Variants in EML5 observed in about 807,000 individuals in gnomAD.
The protein encoded by EML5 is EMAP like 5, also known as echinoderm microtubule-associated protein-like 5.
EML5 carries 120 observed loss-of-function variants against 250.0 expected under a neutral mutation model. The ratio of observed to expected loss-of-function variants is 0.48; its 90% CI spans 0.41 to 0.56. EML5 has a LOEUF of 0.56. EML5 is among the 20% of genes least tolerant of loss of function. EML5 has a pLI of 0.00. For missense variants in EML5, 2,006 were observed against 2,437.6 expected, an observed-to-expected ratio of 0.82 and a Z score of 3.73; for synonymous variants, 771 against 806.5, an observed-to-expected ratio of 0.96 and a Z score of 0.75.
chr14:88,672,759 C>T (rs970497349), intron 21 of EML5, among the ~76,000 whole-genome samples: 1 of 152,124 alleles, frequency 6.6e-6, no homozygotes, highest in Non-Finnish European at 1.5e-5. Context: ...ACTATAAACA[C>T]CTCTATGCAA....
Position 88,792,846 on chromosome 14 carries a change from G to C in EML5, c.-343C>G. 1 of 624,978 alleles carries C rather than the reference G, an allele frequency of 1.6e-6. No homozygotes were observed. The highest frequency in any genetic ancestry group is 2.0e-6 in the Non-Finnish European group (1 of 499,402). 38.7% of individuals were successfully genotyped at this position (624,978 alleles called of 1,614,324 possible). ...GCCTCCAGCTCCTCAGCCGCCGCCC[G>C]CGCACGCAGCTCCCAGCCCCGGTCA... On this transcript the variant is annotated 5_prime_UTR_variant, in exon 1 of 44. Coordinates refer to ENST00000554922, the MANE Select transcript of EML5 (RefSeq NM_183387.3). This position sits in a 1 kb window ranked among gnomAD's most constrained non-coding sequence, Gnocchi z 6.9.
chr14:88,657,396 T>C lies in EML5; in HGVS notation c.3984A>G (p.Lys1328=), dbSNP rs1477821137. Residue 1328 remains lysine, a synonymous_variant, in exon 27 of 44, where the codon AAA becomes AAG. Coordinates refer to ENST00000554922, the MANE Select transcript of EML5 (RefSeq NM_183387.3). ...MLGIKPHLQQ[K]EPSIDERQGV... ...ATTACCTTTCATCAATTGAGGGTTCTTTTTGTTGTAAATGAGGCTTGATTC... is the reference window on the plus strand; with the variant it reads ...ATTACCTTTCATCAATTGAGGGTTCCTTTTGTTGTAAATGAGGCTTGATTC... 2 of 1,581,768 alleles carry C rather than the reference T, an allele frequency of 1.3e-6. No homozygotes were observed. Among genetic ancestry groups the C allele is most frequent in the Non-Finnish European group, 1.7e-6 (2 of 1,161,304 alleles).
At chr14:88,767,421 C>A (rs1324534026) in intron 1 of EML5, among the ~76,000 whole-genome samples, 2 of 152,178 alleles carry the variant, frequency 1.3e-5, no homozygotes, top group East Asian at 1.9e-4. Context: ...TTCCAGCTCC[C>A]AGAGGTCCCT....
intron 1 of EML5, among the ~76,000 whole-genome samples, chr14:88,758,243 A>G (rs1208469691): frequency 6.6e-6 from 1 of 151,834 alleles, no homozygotes; most frequent in Non-Finnish European, 1.5e-5. Flanking sequence ...CCCAGGCTGA[A>G]ATGCAATGAT....
intron 17 of EML5, among the ~76,000 whole-genome samples, chr14:88,694,076 G>A (rs964391196): frequency 2.0e-5 from 3 of 151,496 alleles, no homozygotes; most frequent in African/African-American, 4.8e-5. Context: ...CCCAGCCAAT[G>A]TTGACATCTT....
chr14:88,785,416 G>A (rs914323308), intron 1 of EML5, among the ~76,000 whole-genome samples: 2 of 152,120 alleles, frequency 1.3e-5, no homozygotes, highest in Non-Finnish European at 2.9e-5. Context: ...CACACTGCTT[G>A]CCTGTATCAA....
chr14:88,707,770 T>C (rs1281721859), intron 10 of EML5, among the ~76,000 whole-genome samples: 1 of 152,176 alleles, frequency 6.6e-6, no homozygotes, highest in Admixed American at 6.6e-5. Flanking sequence ...TATAAGTCAC[T>C]AATTTAACTT....
chr14:88,640,492 TC>T (rs2140604834), intron 31 of EML5, among the ~76,000 whole-genome samples: 1 of 152,152 alleles, frequency 6.6e-6, no homozygotes, highest in South Asian at 2.1e-4. Flanking sequence ...TTAAAAAAAA[TC>T]TTCAAAGTAG....
intron 21 of EML5, among the ~76,000 whole-genome samples, chr14:88,673,023 C>A (rs567426582): frequency 1.2e-4 from 19 of 152,240 alleles, no homozygotes; most frequent in African/African-American, 4.6e-4. Context: ...GGGACTCCTC[C>A]CTAACTCATT....
chr14:88,676,983 C>T (rs1160846327), intron 21 of EML5, among the ~76,000 whole-genome samples: 1 of 152,332 alleles, frequency 6.6e-6, no homozygotes, highest in Admixed American at 6.5e-5. Context: ...TGGCTCACTG[C>T]AACCTTCACC....
intron 1 of EML5, among the ~76,000 whole-genome samples, chr14:88,757,687 G>C (rs933502564): frequency 1.3e-5 from 2 of 152,110 alleles, no homozygotes; most frequent in Admixed American, 6.6e-5. Flanking sequence ...CCCCAAGGAA[G>C]ATATACAAAA....
chr14:88,681,839 G>A (rs1005333698), intron 21 of EML5, 51 bp downstream of exon 21: 2 of 1,527,168 alleles, frequency 1.3e-6, no homozygotes, highest in South Asian at 1.3e-5. Flanking sequence ...ATTTGTAAAG[G>A]TTAGAAAACT....
intron 4 of EML5, among the ~76,000 whole-genome samples, chr14:88,743,117 G>A (rs1371225875): frequency 6.6e-6 from 1 of 152,010 alleles, no homozygotes; most frequent in East Asian, 1.9e-4. Flanking sequence ...GTAAATAGTG[G>A]CTATCAAGGC....
chr14:88,635,421 G>A (rs1200749212), intron 32 of EML5, among the ~76,000 whole-genome samples: 3 of 152,120 alleles, frequency 2.0e-5, no homozygotes, highest in African/African-American at 7.2e-5. Context: ...CTGAAGCCTG[G>A]GTGAAAGACT....
intron 1 of EML5, among the ~76,000 whole-genome samples, chr14:88,776,721 A>AG (rs893952794): frequency 6.6e-6 from 1 of 151,482 alleles, no homozygotes; most frequent in African/African-American, 2.4e-5. Context: ...TCTCTACCAA[A>AG]AAAAAAAAAA....
At chr14:88,739,223 A>G (rs1168884223) in intron 5 of EML5, among the ~76,000 whole-genome samples, 1 of 152,204 alleles carries the variant, frequency 6.6e-6, no homozygotes, top group African/African-American at 2.4e-5. Flanking sequence ...TCACTGGCTC[A>G]CTTATATGGA....
At chr14:88,770,491 T>C (rs939283545) in intron 1 of EML5, among the ~76,000 whole-genome samples, 3 of 152,016 alleles carry the variant, frequency 2.0e-5, no homozygotes, top group Non-Finnish European at 2.9e-5. Context: ...AGAGAAAAAA[T>C]GCTGATGTAG....
At chr14:88,696,120 C>T (rs980504867) in intron 15 of EML5, among the ~76,000 whole-genome samples, 2 of 151,536 alleles carry the variant, frequency 1.3e-5, no homozygotes, top group African/African-American at 4.8e-5. Flanking sequence ...ACTCACTTAG[C>T]TTGCAATTCA....
chr14:88,647,101 G>T, intron 28 of EML5, 146 bp from the exon 29 acceptor site: 1 of 719,664 alleles, frequency 1.4e-6, no homozygotes, highest in Non-Finnish European at 2.1e-6. Flanking sequence ...GTTGTTTTTA[G>T]TTTATAATCC....
Sources: gnomAD v4.1 joint callset for allele counts (sites outside exome capture counted in the v4.1 genomes callset) on GRCh38, gnomAD v4.1.1 for gene constraint, Gnocchi (gnomAD v3.1) non-coding constraint, MANE v1.5 for transcripts, NCBI Gene and HGNC (gene_info 2026-07-23, HGNC 2026-07-21) for gene names.